The following ACACB variants were observed in gnomAD, a reference collection of about 807,000 sequenced individuals.
ACACB encodes acetyl-CoA carboxylase 2.
ACACB carries 209 observed loss-of-function variants against 278.8 expected under a neutral mutation model. The observed-to-expected ratio is 0.75, with a 90% CI of 0.67 to 0.84. The LOEUF is 0.84. Among genes scored for constraint, ACACB ranks in the 40% least tolerant of loss-of-function variants. The probability of loss-of-function intolerance (pLI) is 0.00; values close to 1 mark genes in which losing one functional copy is unlikely to be tolerated. For synonymous variants in ACACB, 1,174 were observed against 1,285.6 expected (o/e 0.91, Z 1.86); for missense variants, 2,850 against 3,269.0 (o/e 0.87, Z 3.13).
chr12:109,192,065 C>A (rs2044912434), intron 15 of ACACB, 115 bp downstream of exon 15: 2 of 1,062,452 alleles, frequency 1.9e-6, no homozygotes, highest in Non-Finnish European at 2.8e-6. Context: ...TGGTGAGTCT[C>A]TCCTCCGGTC....
In ACACB at chr12:109,139,837, T is replaced by A; in HGVS notation, c.432T>A (p.Ala144=). ...SSSARPQGQQ[A]GSPSKEDKKQ... ...CAGCCAGGCCCCAGGGCCAGCAAGC[T>A]GGCTCCCCCTCCAAAGAAGACAAGA... The change falls in exon 2 of 53, where the codon GCT becomes GCA. Residue 144 remains alanine, a synonymous_variant. Transcript: ENST00000338432. The A allele has an allele frequency of 6.2e-7, 1 of 1,614,174 alleles. No individual in the cohort carries two copies. The highest frequency in any genetic ancestry group is 8.5e-7 in the Non-Finnish European group (1 of 1,180,012).
At chr12:109,243,893 A>T (rs2111300) in intron 37 of ACACB, among the ~76,000 whole-genome samples, 69,162 of 144,786 alleles carry the variant, frequency 0.48, 16,886 homozygotes, top group Non-Finnish European at 0.5. Context: ...ATATATATAT[A>T]TATTTATTTA....
At chr12:109,159,304 G>A (rs1445517793) in intron 2 of ACACB, among the ~76,000 whole-genome samples, 1 of 152,210 alleles carries the variant, frequency 6.6e-6, no homozygotes, top group Non-Finnish European at 1.5e-5. Context: ...TCTTAGCAGT[G>A]CGGGTAGCCG....
At chr12:109,222,338 G>C (rs1305975532) in intron 24 of ACACB, among the ~76,000 whole-genome samples, 169 bp from the exon 25 acceptor site, 1 of 128,474 alleles carries the variant, frequency 7.8e-6, no homozygotes, top group East Asian at 2.6e-4. Context: ...ACTGGGGTGG[G>C]TGCACAGTAG....
At chr12:109,145,052 C>T (rs1186975460) in intron 2 of ACACB, among the ~76,000 whole-genome samples, 2 of 152,106 alleles carry the variant, frequency 1.3e-5, no homozygotes, top group East Asian at 1.9e-4. Flanking sequence ...TGAGCCACTG[C>T]GCCCGGCCCG....
chr12:109,149,082 A>C (rs1341529496), intron 2 of ACACB, among the ~76,000 whole-genome samples: 1 of 152,196 alleles, frequency 6.6e-6, no homozygotes, highest in East Asian at 1.9e-4. Context: ...AGGTAATCAG[A>C]GGCCCAGAGC....
At position 109,206,428 on chromosome 12, in the gene ACACB, CAA is replaced by C. The variant is rs35315851; in HGVS notation, c.2914-267_2914-266del. On this transcript the variant is annotated intron_variant, in intron 19 of 52. Transcript: ENST00000338432. The stretch of plus-strand genomic sequence containing the variant: ...CAGCCTGGGGACAATGCGAGTGTCT[CAA>C]AAAAAAAAAAAAAACAGATCTCACC... Among the ~76,000 whole-genome samples the C allele has an allele frequency of 2.0e-4, 18 of 89,748 alleles. 1 individual carries two copies. Among genetic ancestry groups the C allele is most frequent in the African/African-American group, 8.1e-4 (16 of 19,676 alleles). 58.9% of individuals were successfully genotyped at this position (89,748 alleles called of 152,430 possible). A position where few individuals can be genotyped will look rare whatever the true frequency, so the allele number is the denominator to read the frequency against.
chr12:109,142,268 G>A (rs547317891), intron 2 of ACACB, among the ~76,000 whole-genome samples: 143 of 152,092 alleles, frequency 9.4e-4, no homozygotes, highest in Non-Finnish European at 1.5e-3. Flanking sequence ...AAACAAAAAA[G>A]AATGTATCAA....
chr12:109,229,044 G>A (rs943989122), intron 28 of ACACB, among the ~76,000 whole-genome samples: 4 of 151,988 alleles, frequency 2.6e-5, no homozygotes, highest in Non-Finnish European at 4.4e-5. Flanking sequence ...CCAGATTCAA[G>A]CGATTCTCCT....
intron 2 of ACACB, among the ~76,000 whole-genome samples, chr12:109,140,363 A>T (rs1488008007): frequency 1.5e-5 from 2 of 133,454 alleles, no homozygotes; most frequent in Admixed American, 8.7e-5. Context: ...TCCTTTCAAA[A>T]TCATTCCTTG....
intron 2 of ACACB, among the ~76,000 whole-genome samples, chr12:109,159,689 C>A (rs937049506): frequency 4.6e-5 from 7 of 152,048 alleles, no homozygotes; most frequent in Admixed American, 3.9e-4. Context: ...GGGTGTTGAG[C>A]AGCATCCCTG....
chr12:109,168,237 A>G (rs1433231422), intron 4 of ACACB, among the ~76,000 whole-genome samples: 1 of 152,206 alleles, frequency 6.6e-6, no homozygotes, highest in Non-Finnish European at 1.5e-5. Flanking sequence ...AAAAATGCAG[A>G]TGGTTAACAT....
At chr12:109,223,013 G>A (rs2046219141) in intron 26 of ACACB, 101 bp downstream of exon 26, 2 of 921,958 alleles carry the variant, frequency 2.2e-6, no homozygotes, top group Non-Finnish European at 3.4e-6. Context: ...GGTGCTCAGT[G>A]GGGTGCAGGG....
intron 2 of ACACB, among the ~76,000 whole-genome samples, chr12:109,142,073 C>A (rs1442055715): frequency 6.6e-6 from 1 of 150,638 alleles, no homozygotes; most frequent in Non-Finnish European, 1.5e-5. Context: ...TATAGTGAGA[C>A]CTCATCTCTA....
chr12:109,201,599 G>A lies in ACACB; in HGVS notation c.2811G>A (p.Gln937=). 1.9e-6 allele frequency: 3 copies of A among 1,614,186 alleles called. No homozygotes were observed. Among genetic ancestry groups the A allele is most frequent in the Non-Finnish European group, 2.5e-6 (3 of 1,180,022 alleles). Reference sequence around the variant, plus strand: ...AGATGATCATGACCCTGAACGTTCAGGAAAGAGGCCGGGTGAAGTACATCA... The same window carrying A: ...AGATGATCATGACCCTGAACGTTCAAGAAAGAGGCCGGGTGAAGTACATCA... ...VMKMIMTLNV[Q]ERGRVKYIKR... Residue 937 remains glutamine (Q), a synonymous_variant, in exon 19 of 53, where the codon CAG becomes CAA. Coordinates refer to ENST00000338432, the MANE Select transcript of ACACB (RefSeq NM_001093.4).
At chr12:109,195,314 T>C (rs1033302108) in intron 16 of ACACB, among the ~76,000 whole-genome samples, 10 of 152,218 alleles carry the variant, frequency 6.6e-5, no homozygotes, top group African/African-American at 1.7e-4. Flanking sequence ...CTTTAATTAG[T>C]ACTTTCTATT....
At chr12:109,186,671 G>T (rs1012833676) in intron 12 of ACACB, among the ~76,000 whole-genome samples, 3 of 152,128 alleles carry the variant, frequency 2.0e-5, no homozygotes, top group African/African-American at 7.2e-5. Flanking sequence ...GAAACTGGGG[G>T]TAAGAGAGGG....
chr12:109,238,521 T>G (rs900576486), intron 34 of ACACB, among the ~76,000 whole-genome samples: 1 of 145,202 alleles, frequency 6.9e-6, no homozygotes, highest in African/African-American at 2.5e-5. Context: ...ATTATATGTA[T>G]TTATATAAAT....
chr12:109,167,109 G>T, intron 3 of ACACB, 116 bp downstream of exon 3: 9 of 1,375,126 alleles, frequency 6.5e-6, no homozygotes, highest in Non-Finnish European at 9.1e-6. Context: ...CAGAGAGGGG[G>T]TGAGGGCCAC....
Sources: allele counts gnomAD v4.1 joint callset (sites outside exome capture counted in the v4.1 genomes callset), GRCh38; gene constraint gnomAD v4.1.1; transcripts MANE v1.5; gene names NCBI Gene and HGNC (gene_info 2026-07-23, HGNC 2026-07-21).